Variants in USP54 observed in about 807,000 individuals in gnomAD.
USP54 encodes ubiquitin carboxyl-terminal hydrolase 54.
In USP54, 87 loss-of-function variants were observed where a neutral mutation model predicts 170.5. The observed-to-expected ratio is 0.51, with a 90% CI of 0.43 to 0.61. The LOEUF (loss-of-function observed/expected upper bound fraction) is 0.61, where lower values mean the gene tolerates loss of function less well. USP54 is among the 20% of genes least tolerant of loss of function. USP54 has a pLI of 0.00. For synonymous variants in USP54, 655 were observed against 742.8 expected (o/e 0.88, Z 1.92); for missense variants, 1,786 against 2,047.8 (o/e 0.87, Z 2.47).
intron 3 of USP54, among the ~76,000 whole-genome samples, chr10:73,575,161 G>A (rs907010610): frequency 1.3e-4 from 20 of 152,086 alleles, no homozygotes; most frequent in Admixed American, 1.2e-3. Context: ...GGAGGCGGAG[G>A]TTGCAGTGAG....
intron 20 of USP54, among the ~76,000 whole-genome samples, chr10:73,507,558 C>T (rs1015331154): frequency 6.6e-6 from 1 of 150,568 alleles, no homozygotes; most frequent in Non-Finnish European, 1.5e-5. Context: ...CCTGTAATCC[C>T]AGCTACTCAG....
chr10:73,586,496 T>C (rs572603875), intron 1 of USP54, among the ~76,000 whole-genome samples: 6 of 152,320 alleles, frequency 3.9e-5, no homozygotes, highest in African/African-American at 1.2e-4. Context: ...AGGGCATCTT[T>C]CTAATTCCAC....
At position 73,519,924 on chromosome 10, in the gene USP54, A is replaced by C; in HGVS notation, c.2551T>G (p.Leu851Val). Residue 851 changes from leucine (L) to valine (V), a missense_variant, in exon 19 of 24, where the codon TTG (leucine) becomes GTG (valine). Physicochemically the swap from Leu to Val is conservative, Grantham distance 32. Around this residue, in one of 3 missense-constraint regions of USP54, gnomAD observed 1,418 missense variants for 1,569.0 expected, o/e 0.90. Transcript: ENST00000687698. ...CGTGCTTTTCGAATACTGATTTGCA[A>C]CTTCTTATCGACTAGGGCTCTGCTG... ...THSRALVDKK[L>V]QISIRKARSL... 1 of 1,614,004 alleles carries C rather than the reference A, an allele frequency of 6.2e-7. No homozygotes were observed. The highest frequency in any genetic ancestry group is 8.5e-7 in the Non-Finnish European group (1 of 1,179,962).
At chr10:73,622,334 ATTTATTTT>A (rs2132365180) in intron 1 of USP54, among the ~76,000 whole-genome samples, 2 of 142,602 alleles carry the variant, frequency 1.4e-5, no homozygotes, top group African/African-American at 5.6e-5. Flanking sequence ...TTATTTATTT[ATTTATTTT>A]GAGACAGAAT....
intron 9 of USP54, 97 bp downstream of exon 9, chr10:73,541,278 T>C: frequency 6.6e-7 from 1 of 1,520,134 alleles, no homozygotes; most frequent in Non-Finnish European, 8.9e-7. Flanking sequence ...ATAATACTTG[T>C]CATCTAGGAC....
intron 4 of USP54, 59 bp from the exon 5 acceptor site, chr10:73,545,731 A>G (rs761633839): frequency 6.3e-7 from 1 of 1,578,028 alleles, no homozygotes. Flanking sequence ...ACTTCTATAC[A>G]TCCTAGTCTG....
At chr10:73,564,005 CA>C (rs58410672) in intron 4 of USP54, among the ~76,000 whole-genome samples, 2 of 144,818 alleles carry the variant, frequency 1.4e-5, no homozygotes, top group Non-Finnish European at 1.5e-5. Context: ...TTAAAAAAAA[CA>C]AAAAAAAAAC....
rs2063717435 is a variant in USP54 at position 73,530,201 on chromosome 10, ACTAAAG to A, written c.1764_1769del (p.Phe589_Ser590del). 2 of 1,613,924 alleles carry A rather than the reference ACTAAAG, an allele frequency of 1.2e-6. No homozygotes were observed. Among genetic ancestry groups the A allele is most frequent in the African/African-American group, 2.7e-5 (2 of 74,934 alleles). On this transcript the variant is annotated inframe_deletion, in exon 14 of 24. Transcript: ENST00000687698. Reference sequence around the variant, plus strand: ...AGCCACAGTGCTTCCTTTTGTCCTTACTAAAGATACTGTCAATATTCAGAGATTCTC... The same window carrying A: ...AGCCACAGTGCTTCCTTTTGTCCTTAATACTGTCAATATTCAGAGATTCTC...
chr10:73,536,176 G>T (rs1195603030), intron 11 of USP54, 93 bp downstream of exon 11: 1 of 1,509,500 alleles, frequency 6.6e-7, no homozygotes, highest in Non-Finnish European at 9.0e-7. Flanking sequence ...CTCCAAGCTA[G>T]GTTACGAGCT....
chr10:73,603,301 T>C (rs1331183085), intron 1 of USP54, among the ~76,000 whole-genome samples: 1 of 152,164 alleles, frequency 6.6e-6, no homozygotes, highest in Non-Finnish European at 1.5e-5. Context: ...TTAGAAAATA[T>C]ATAATAAAAT....
intron 5 of USP54, among the ~76,000 whole-genome samples, chr10:73,544,779 T>C (rs919277973): frequency 6.6e-6 from 1 of 152,240 alleles, no homozygotes; most frequent in African/African-American, 2.4e-5. Context: ...AGTGGTGCTA[T>C]CTAGGCTCAC....
chr10:73,529,794 T>C lies in USP54; in HGVS notation c.1946A>G (p.Glu649Gly), dbSNP rs1176091575. ...GPARPGSHLL[E>G]QHPRLIQRME... is the part of the protein sequence containing the mutation. Reference sequence around the variant, plus strand: ...TCGCTGGATTAGTCGGGGGTGCTGCTCTAAAAGGTGAGAGCCTGGCCGTGC... The same window carrying C: ...TCGCTGGATTAGTCGGGGGTGCTGCCCTAAAAGGTGAGAGCCTGGCCGTGC... Residue 649 changes from glutamate (E) to glycine (G), a missense_variant, in exon 15 of 24, where the codon GAG becomes GGG. Coordinates refer to ENST00000687698, the MANE Select transcript of USP54 (RefSeq NM_001391956.1). The C allele has an allele frequency of 6.2e-7, 1 of 1,613,676 alleles. No homozygotes were observed. The highest frequency in any genetic ancestry group is 2.2e-5 in the East Asian group (1 of 44,878).
chr10:73,569,752 CAAAAAAAAAAAA>C lies in USP54; in HGVS notation c.240+1657_240+1668del, dbSNP rs528086022. Among the ~76,000 whole-genome samples the C allele has an allele frequency of 1.6e-3, 158 of 95,908 alleles. 2 individuals carry two copies. The South Asian group carries it at 0.051, about 31-fold the overall frequency. The allele number at this position is 95,908 out of a possible 152,430, so 62.9% of individuals were successfully genotyped here. On this transcript the variant is annotated intron_variant, in intron 4 of 23. Coordinates refer to ENST00000687698, the MANE Select transcript of USP54 (RefSeq NM_001391956.1). ...GGGCAACAAGAGTGAAAATCCGTCT[CAAAAAAAAAAAA>C]GAAAAAAAAAAATCTGCCTATCATG...
chr10:73,527,919 T>C (rs1430766606), intron 15 of USP54, among the ~76,000 whole-genome samples: 1 of 151,930 alleles, frequency 6.6e-6, no homozygotes, highest in African/African-American at 2.4e-5. Context: ...ATTTTAGTAT[T>C]ACATAAGTTT....
At chr10:73,522,229 C>G (rs1437840888) in intron 17 of USP54, among the ~76,000 whole-genome samples, 2 of 152,172 alleles carry the variant, frequency 1.3e-5, no homozygotes, top group Admixed American at 1.3e-4. Context: ...GTGTGGTTTC[C>G]CTTACTCCCC....
intron 11 of USP54, 79 bp downstream of exon 11, chr10:73,536,190 C>G (rs990850249): frequency 1.9e-6 from 3 of 1,551,638 alleles, no homozygotes; most frequent in Non-Finnish European, 2.6e-6. Context: ...ACGAGCTAAG[C>G]ACATAATTAA....
intron 4 of USP54, among the ~76,000 whole-genome samples, chr10:73,559,605 G>A (rs2072291548): frequency 6.6e-6 from 1 of 151,096 alleles, no homozygotes; most frequent in Admixed American, 6.6e-5. Context: ...GAAGGCGCCT[G>A]TAATCCCAGT....
rs753229009 is a variant in USP54, at chr10:73,499,117, T to C, written c.4567A>G (p.Thr1523Ala). ...CTCTGGTAGTTCAAAGTCCTTCCTG[T>C]GTACTTGGCCCCTTGGGAAGTTTCA... ...RGETSQGAKYTGRTLNYQSLP... is the reference protein window; with the variant it reads ...RGETSQGAKYAGRTLNYQSLP... Residue 1523 changes from threonine (T) to alanine (A), a missense_variant, in exon 24 of 24, where the codon ACA becomes GCA. Around this residue, in one of 3 missense-constraint regions of USP54, gnomAD observed 1,418 missense variants for 1,569.0 expected, o/e 0.90. Coordinates refer to ENST00000687698, the MANE Select transcript of USP54 (RefSeq NM_001391956.1). 1 of 1,614,144 alleles carries C rather than the reference T, an allele frequency of 6.2e-7. No homozygotes were observed. The highest frequency in any genetic ancestry group is 1.7e-5 in the Admixed American group (1 of 60,022).
chr10:73,507,343 A>T (rs139371392), intron 20 of USP54: 16 of 152,102 alleles, frequency 1.1e-4, no homozygotes, highest in African/African-American at 3.6e-4. Flanking sequence ...GGGTTTTCTG[A>T]GCCACTCCTC....
Sources: allele counts gnomAD v4.1 joint callset (sites outside exome capture counted in the v4.1 genomes callset), GRCh38; gene constraint gnomAD v4.1.1; regional missense constraint gnomAD v4.1.1; transcripts MANE v1.5; gene names NCBI Gene and HGNC (gene_info 2026-07-23, HGNC 2026-07-21).